Variants in TACC2 observed in about 807,000 individuals in gnomAD.
The protein encoded by TACC2 is transforming acidic coiled-coil-containing protein 2.
A neutral mutation model predicts 227.3 loss-of-function variants in TACC2; 137 were observed. That is an observed-to-expected ratio of 0.60 (90% CI 0.52 to 0.69). The LOEUF (loss-of-function observed/expected upper bound fraction) is 0.69. Among genes scored for constraint, TACC2 ranks in the 30% least tolerant of loss-of-function variants. TACC2 has a pLI of 0.00. For missense variants in TACC2, 3,470 were observed against 3,694.4 expected, an observed-to-expected ratio of 0.94 and a Z score of 1.57; for synonymous variants, 1,523 against 1,487.5, an observed-to-expected ratio of 1.02 and a Z score of -0.55.
intron 8 of TACC2, among the ~76,000 whole-genome samples, chr10:122,208,137 T>G (rs181016024): frequency 1.3e-5 from 2 of 152,122 alleles, no homozygotes; most frequent in African/African-American, 2.4e-5. Flanking sequence ...GAGAAACCGT[T>G]TGGTAGAAAG....
chr10:122,232,206 C>T (rs2095766792), intron 16 of TACC2, among the ~76,000 whole-genome samples: 1 of 152,176 alleles, frequency 6.6e-6, no homozygotes, highest in African/African-American at 2.4e-5. Context: ...GGATTTTCCC[C>T]CCACTAGATT....
chr10:122,083,965 G>T lies in TACC2; in HGVS notation c.1465G>T (p.Val489Phe), dbSNP rs753581178. ...GCATCCAGAAGGGGACCCTGGAGAG[G>T]TTCCTGCCCCATCACCCCAGGAGAG... ...GEHPEGDPGE[V>F]PAPSPQERGE... The change falls in exon 4 of 23, where the codon GTT becomes TTT. Residue 489 changes from valine to phenylalanine, a missense_variant. Physicochemically the swap from Val to Phe is conservative, Grantham distance 50. This residue lies in a region of TACC2 where 1,924 missense variants were observed against 1,978.3 expected (regional missense o/e 0.97). Transcript: ENST00000369005. The T allele has an allele frequency of 9.3e-6, 15 of 1,613,912 alleles. No individual in the cohort carries two copies. The South Asian group carries it at 1.4e-4, about 15-fold the overall frequency.
chr10:122,031,397 CTTTTTTTT>C (rs758476678), intron 2 of TACC2, among the ~76,000 whole-genome samples: 2 of 91,736 alleles, frequency 2.2e-5, no homozygotes, highest in Non-Finnish European at 4.0e-5. Flanking sequence ...GGTCTAGCCT[CTTTTTTTT>C]TTTTTTTTTT....
At chr10:122,243,367 G>GATGT (rs2096047338) in intron 19 of TACC2, among the ~76,000 whole-genome samples, 1 of 152,152 alleles carries the variant, frequency 6.6e-6, no homozygotes. Flanking sequence ...CAAGCATATG[G>GATGT]ATGTATGAGT....
At chr10:122,096,371 C>T (rs1268691070) in intron 5 of TACC2, among the ~76,000 whole-genome samples, 1 of 152,196 alleles carries the variant, frequency 6.6e-6, no homozygotes, top group Non-Finnish European at 1.5e-5. Flanking sequence ...CCCTCCCTGC[C>T]CACAAACCCC....
chr10:122,073,590 C>G (rs2461226), intron 3 of TACC2, among the ~76,000 whole-genome samples: 85,234 of 151,886 alleles, frequency 0.56, 24,922 homozygotes, highest in Non-Finnish European at 0.66. Flanking sequence ...ACTAAAAGCT[C>G]TACTGAGAAA....
chr10:122,104,297 C>T (rs1410736119), intron 5 of TACC2, among the ~76,000 whole-genome samples: 1 of 152,160 alleles, frequency 6.6e-6, no homozygotes, highest in East Asian at 1.9e-4. Context: ...TCTCTGTACA[C>T]TACTTGTGTT....
At chr10:122,148,631 C>T (rs1204702676) in intron 7 of TACC2, among the ~76,000 whole-genome samples, 11 of 152,252 alleles carry the variant, frequency 7.2e-5, no homozygotes, top group Non-Finnish European at 2.9e-5. Flanking sequence ...AAGCCCAGGG[C>T]ACATCTTATT....
At chr10:122,182,299 C>G (rs1159127883) in intron 7 of TACC2, among the ~76,000 whole-genome samples, 7 of 152,232 alleles carry the variant, frequency 4.6e-5, no homozygotes, top group Non-Finnish European at 8.8e-5. Context: ...GACGCAGGTT[C>G]TCTCTGAATC....
chr10:122,173,917 G>A (rs902333008), intron 7 of TACC2, among the ~76,000 whole-genome samples: 3 of 152,206 alleles, frequency 2.0e-5, no homozygotes, highest in African/African-American at 4.8e-5. Context: ...ATGACCTGGG[G>A]CCAGCAGCCA....
intron 1 of TACC2, among the ~76,000 whole-genome samples, chr10:122,010,579 G>T (rs6585776): frequency 0.36 from 55,240 of 151,978 alleles, 10,466 homozygotes; most frequent in South Asian, 0.58. Context: ...ACTGGGTCTG[G>T]CATAGACCAA....
intron 1 of TACC2, among the ~76,000 whole-genome samples, chr10:122,007,900 T>C (rs1033297603): frequency 6.6e-6 from 1 of 152,166 alleles, no homozygotes; most frequent in Non-Finnish European, 1.5e-5. Flanking sequence ...GGGTTAGTTA[T>C]CAACAGAGTG....
intron 11 of TACC2, among the ~76,000 whole-genome samples, chr10:122,219,750 G>A (rs1237526711): frequency 6.6e-6 from 1 of 152,112 alleles, no homozygotes; most frequent in Non-Finnish European, 1.5e-5. Context: ...ACCATCCTGA[G>A]GTTGGGGCCG....
intron 5 of TACC2, among the ~76,000 whole-genome samples, chr10:122,090,750 A>T (rs535279942): frequency 4.0e-5 from 6 of 151,654 alleles, no homozygotes; most frequent in Admixed American, 2.0e-4. Flanking sequence ...TTATTTATTC[A>T]TGTATTTATT....
chr10:122,192,757 G>A (rs914710578), intron 7 of TACC2: 3 of 456,584 alleles, frequency 6.6e-6, no homozygotes, highest in Non-Finnish European at 1.3e-5. Context: ...CAGCAGTGGG[G>A]ACTCCAGTCT....
intron 1 of TACC2, among the ~76,000 whole-genome samples, chr10:122,008,924 CT>C (rs1473101380): frequency 6.6e-6 from 1 of 152,204 alleles, no homozygotes; most frequent in Non-Finnish European, 1.5e-5. Context: ...GTAATAGTCC[CT>C]GCTGTGACCT....
intron 3 of TACC2, among the ~76,000 whole-genome samples, chr10:122,080,030 G>A (rs1201102086): frequency 2.6e-5 from 4 of 152,172 alleles, no homozygotes; most frequent in African/African-American, 9.7e-5. Flanking sequence ...CACAACTTGA[G>A]TGACTTAAAA....
intron 5 of TACC2, among the ~76,000 whole-genome samples, chr10:122,129,624 A>G (rs1250980082): frequency 6.6e-6 from 1 of 152,136 alleles, no homozygotes; most frequent in African/African-American, 2.4e-5. Flanking sequence ...TTCCACTCAG[A>G]TTTTATGATT....
intron 2 of TACC2, among the ~76,000 whole-genome samples, chr10:122,036,706 C>T (rs542386685): frequency 1.3e-5 from 2 of 152,158 alleles, no homozygotes; most frequent in African/African-American, 4.8e-5. Context: ...GAGTTGCTTC[C>T]ACCTTTTGAC....
Sources: gnomAD v4.1 joint callset for allele counts (sites outside exome capture counted in the v4.1 genomes callset) on GRCh38, gnomAD v4.1.1 for gene constraint, gnomAD v4.1.1 regional missense constraint, MANE v1.5 for transcripts, NCBI Gene and HGNC (gene_info 2026-07-23, HGNC 2026-07-21) for gene names.